ITIH2: variants seen among roughly 807,000 people sequenced by gnomAD.
ITIH2 encodes inter-alpha-trypsin inhibitor heavy chain 2, also known as inter-alpha-trypsin inhibitor heavy chain H2.
Under a neutral mutation model 104.4 loss-of-function variants are expected in ITIH2, and 103 were observed. The observed-to-expected ratio is 0.99, with a 90% CI of 0.84 to 1.16. The LOEUF is 1.16. ITIH2 is among the 50% of genes most tolerant of loss of function. The pLI, the probability that ITIH2 is intolerant of heterozygous loss-of-function variation, is 0.00. For synonymous variants in ITIH2, 436 were observed against 435.4 expected (o/e 1.00, Z -0.02); for missense variants, 1,108 against 1,162.4 (o/e 0.95, Z 0.68).
chr10:7,738,783 G>A (rs755398766), intron 16 of ITIH2, 25 bp downstream of exon 16: 63 of 1,551,036 alleles, frequency 4.1e-5, no homozygotes, highest in Admixed American at 1.3e-4. Context: ...CTGCTTGCAC[G>A]TCCCAGAACT....
At chr10:7,742,050 C>T (rs181204927) in intron 16 of ITIH2, among the ~76,000 whole-genome samples, 61 of 152,328 alleles carry the variant, frequency 4.0e-4, no homozygotes, top group African/African-American at 1.4e-3. Flanking sequence ...GCCACTATTG[C>T]ACCATGTACT....
At chr10:7,744,039 A>C in intron 17 of ITIH2, 43 bp from the exon 18 acceptor site, 1 of 1,503,752 alleles carries the variant, frequency 6.7e-7, no homozygotes. Flanking sequence ...CATGCAAAAT[A>C]AATGGCACAG....
chr10:7,714,605 A>G (rs1834829915), intron 5 of ITIH2, among the ~76,000 whole-genome samples: 2 of 152,178 alleles, frequency 1.3e-5, no homozygotes, highest in South Asian at 4.1e-4. Flanking sequence ...AAATGCATCA[A>G]ATGCAAGCTC....
intron 19 of ITIH2, among the ~76,000 whole-genome samples, chr10:7,746,055 C>T (rs1835173928): frequency 8.5e-6 from 1 of 117,758 alleles, no homozygotes; most frequent in Non-Finnish European, 1.7e-5. Context: ...CACCCGGCCC[C>T]AAATCTTAAA....
At chr10:7,707,121 T>A (rs1290438588) in intron 2 of ITIH2, 80 bp from the exon 3 acceptor site, 4 of 954,636 alleles carry the variant, frequency 4.2e-6, no homozygotes, top group Non-Finnish European at 6.5e-6. Flanking sequence ...AATTTCTTTT[T>A]TGACTGAGAA....
At chr10:7,725,361 T>C (rs11812641) in intron 9 of ITIH2, among the ~76,000 whole-genome samples, 5,031 of 152,200 alleles carry the variant, frequency 0.033, 284 homozygotes, top group African/African-American at 0.11. Flanking sequence ...GAACAGCTCA[T>C]GCAACAGTTC....
intron 20 of ITIH2, among the ~76,000 whole-genome samples, chr10:7,748,162 T>G (rs1835197321): frequency 2.0e-5 from 3 of 150,674 alleles, no homozygotes; most frequent in African/African-American, 7.3e-5. Flanking sequence ...TGAGCAGAGA[T>G]AGCACCACTG....
At position 7,749,205 on chromosome 10, in the gene ITIH2, C is replaced by T. The variant is rs188273164; in HGVS notation, c.2712C>T (p.Tyr904=). Reference sequence around the variant, plus strand: ...CTTGCAGGGGCTTACAGAAAGACTACAGAACGGATCTAGTGTTTGGAACGG... The same window carrying T: ...CTTGCAGGGGCTTACAGAAAGACTATAGAACGGATCTAGTGTTTGGAACGG... ...LIITRGLQKD[Y]RTDLVFGTDV... is the part of the protein sequence containing the mutation. The change falls in exon 21 of 21, where the codon TAC becomes TAT. Residue 904 remains tyrosine (Y), a synonymous_variant. Coordinates refer to ENST00000358415, the MANE Select transcript of ITIH2 (RefSeq NM_002216.3). 9.2e-5 allele frequency: 148 copies of T among 1,614,128 alleles called. No individual in the cohort carries two copies. Among genetic ancestry groups the T allele is most frequent in the Non-Finnish European group, 1.2e-4 (142 of 1,180,030 alleles).
At chr10:7,722,420 A>G (rs574900808) in intron 8 of ITIH2, among the ~76,000 whole-genome samples, 88 of 152,326 alleles carry the variant, frequency 5.8e-4, no homozygotes, top group Admixed American at 5.3e-3. Flanking sequence ...AGCAGAAGAC[A>G]AAGAGGATGG....
intron 3 of ITIH2, among the ~76,000 whole-genome samples, chr10:7,707,604 T>C (rs1183134983): frequency 1.3e-5 from 2 of 152,214 alleles, no homozygotes; most frequent in Non-Finnish European, 2.9e-5. Flanking sequence ...TCACTTTTGT[T>C]GCCCAGGCTG....
chr10:7,714,009 A>T (rs1178111093), intron 5 of ITIH2, among the ~76,000 whole-genome samples: 1 of 152,018 alleles, frequency 6.6e-6, no homozygotes, highest in Non-Finnish European at 1.5e-5. Flanking sequence ...CTTCTTAAGC[A>T]TCAGTTACTT....
chr10:7,713,296 A>C lies in ITIH2; in HGVS notation c.467+11A>C. ...GGCTGGCTTGGTGAGGTAAGGCCTG[A>C]GTGAGCAAGGCTTGCCCTTGCCTCT... On this transcript the variant is annotated intron_variant, in intron 5 of 20. Coordinates refer to ENST00000358415, the MANE Select transcript of ITIH2 (RefSeq NM_002216.3). The C allele has an allele frequency of 6.3e-7, 1 of 1,599,402 alleles. No homozygotes were observed. The highest frequency in any genetic ancestry group is 8.6e-7 in the Non-Finnish European group (1 of 1,166,924).
rs1834775293 is a variant in ITIH2 at position 7,709,329 on chromosome 10, C to T, written c.362+138C>T. 1.5e-5 allele frequency: 11 copies of T among 724,976 alleles called. No individual in the cohort carries two copies. The East Asian group carries it at 2.9e-4, about 19-fold the overall frequency. The allele number at this position is 724,976 out of a possible 1,614,324, so 44.9% of individuals were successfully genotyped here. ...TGTCAAGGGTCATTGTGAGGTTGGT[C>T]CCAATAATTTTCTCCTCTTCAAAGC... On this transcript the variant is annotated intron_variant, in intron 4 of 20. Transcript: ENST00000358415.
intron 20 of ITIH2, among the ~76,000 whole-genome samples, chr10:7,748,031 C>G (rs1835196081): frequency 6.6e-6 from 1 of 151,126 alleles, no homozygotes; most frequent in Admixed American, 6.6e-5. Context: ...ATGTTGAAAC[C>G]CCCCCCATCT....
chr10:7,749,247 TG>T lies in ITIH2; in HGVS notation c.2755del (p.Val919CysfsTer32), dbSNP rs1202930398. The T allele has an allele frequency of 1.9e-6, 3 of 1,614,154 alleles. No homozygotes were observed. In the South Asian group the frequency reaches 3.3e-5, roughly 18 times the overall value. ...VFGTDVTCWF[V>X]HNSGKGFIDG... is the part of the protein sequence containing the mutation. ...TTGGAACGGACGTTACCTGCTGGTT[TG>T]TGCACAACAGTGGAAAAGGATTCAT... is the stretch of plus-strand genomic sequence containing the variant. On this transcript the variant is annotated frameshift_variant, in exon 21 of 21. Coordinates refer to ENST00000358415, the MANE Select transcript of ITIH2 (RefSeq NM_002216.3). LOFTEE classifies it high-confidence loss of function.
chr10:7,709,288 C>T, intron 4 of ITIH2, 97 bp downstream of exon 4: 2 of 1,107,586 alleles, frequency 1.8e-6, no homozygotes, highest in Non-Finnish European at 1.4e-6. Flanking sequence ...TCAACTGTCC[C>T]AGAGGACCGG....
At chr10:7,733,242 T>C (rs1343998798) in intron 14 of ITIH2, among the ~76,000 whole-genome samples, 1 of 152,170 alleles carries the variant, frequency 6.6e-6, no homozygotes, top group Non-Finnish European at 1.5e-5. Context: ...TCCTGGCTTC[T>C]TTCACTCAAT....
chr10:7,743,602 C>T (rs1368468235), intron 17 of ITIH2, among the ~76,000 whole-genome samples: 1 of 151,862 alleles, frequency 6.6e-6, no homozygotes, highest in Non-Finnish European at 1.5e-5. Context: ...GATGAAACCC[C>T]ACCCCCCACT....
At chr10:7,723,701 G>T (rs1202556210) in intron 9 of ITIH2, 134 bp downstream of exon 9, 3 of 653,610 alleles carry the variant, frequency 4.6e-6, no homozygotes, top group African/African-American at 1.8e-5. Flanking sequence ...GACTGCCGGT[G>T]TCAACTCTTC....
Sources: allele counts gnomAD v4.1 joint callset (sites outside exome capture counted in the v4.1 genomes callset), GRCh38; gene constraint gnomAD v4.1.1; transcripts MANE v1.5; gene names NCBI Gene and HGNC (gene_info 2026-07-23, HGNC 2026-07-21).